Variants in SLC25A25 observed in about 807,000 individuals in gnomAD.
SLC25A25 encodes mitochondrial adenyl nucleotide antiporter SLC25A25.
A neutral mutation model predicts 57.7 loss-of-function variants in SLC25A25; 32 were observed. The ratio of observed to expected loss-of-function variants is 0.55; its 90% confidence interval spans 0.42 to 0.74. SLC25A25 has a LOEUF of 0.74. Ranked by LOEUF, SLC25A25 falls within the 30% of genes least tolerant of loss-of-function variation. SLC25A25 has a pLI of 0.00. For missense variants in SLC25A25, 556 were observed against 701.3 expected, an observed-to-expected ratio of 0.79 and a Z score of 2.34; for synonymous variants, 306 against 291.2, an observed-to-expected ratio of 1.05 and a Z score of -0.52.
Position 128,108,248 on chromosome 9 carries a change from G to A in SLC25A25, c.*804G>A. On this transcript the variant is annotated 3_prime_UTR_variant, in exon 11 of 11. Coordinates refer to ENST00000373069, the MANE Select transcript of SLC25A25 (RefSeq NM_001330988.2). Reference sequence around the variant, plus strand: ...AGGGCAGTGGAGCACCATGTTTGAGGGCGAAGGGCAGAGCGTTTGTGTGTT... The same window carrying A: ...AGGGCAGTGGAGCACCATGTTTGAGAGCGAAGGGCAGAGCGTTTGTGTGTT... 2.5e-6 allele frequency: 1 copy of A among 399,228 alleles called. No homozygotes were observed. The highest frequency in any genetic ancestry group is 4.4e-6 in the Non-Finnish European group (1 of 226,182). The allele number at this position is 399,228 out of a possible 1,614,324, so 24.7% of individuals were successfully genotyped here. A position where few individuals can be genotyped will look rare whatever the true frequency, so the allele number is the denominator to read the frequency against.
intron 1 of SLC25A25, chr9:128,098,748 A>G (rs762117181): frequency 6.2e-6 from 10 of 1,612,212 alleles, no homozygotes; most frequent in Non-Finnish European, 8.5e-6. Context: ...ACCGCGCGGA[A>G]GGGAGAGGCG....
intron 1 of SLC25A25, among the ~76,000 whole-genome samples, chr9:128,090,563 C>A (rs548404161): frequency 6.6e-6 from 1 of 151,474 alleles, no homozygotes; most frequent in African/African-American, 2.4e-5. Context: ...GTAATCCCAG[C>A]ACTTTGGGAG....
chr9:128,104,616 G>GT (rs1833939978), intron 6 of SLC25A25, among the ~76,000 whole-genome samples: 1 of 152,052 alleles, frequency 6.6e-6, no homozygotes, highest in South Asian at 2.1e-4. Flanking sequence ...TCATCCTTTT[G>GT]TTTTTTTAGC....
chr9:128,093,258 T>C (rs7873492), intron 1 of SLC25A25, among the ~76,000 whole-genome samples: 1 of 152,078 alleles, frequency 6.6e-6, no homozygotes, highest in African/African-American at 2.4e-5. Flanking sequence ...TGAGATGTCT[T>C]TGCTTAATAT....
At chr9:128,068,650 G>A in intron 1 of SLC25A25, 70 bp downstream of exon 1, 1 of 1,365,320 alleles carries the variant, frequency 7.3e-7, no homozygotes, top group Non-Finnish European at 9.4e-7. Context: ...GGTCTCGGGG[G>A]ACGGCCCCTT....
At position 128,068,334 on chromosome 9, in the gene SLC25A25, G is replaced by A; in HGVS notation, c.15G>A (p.Val5=). MVSS[V]LCRCVASPPP... is the part of the protein sequence containing the mutation. ...CCTCGCGCCCGATGGTGAGCAGTGT[G>A]TTGTGCCGCTGTGTGGCCTCCCCGC... The change falls in exon 1 of 11, where the codon GTG becomes GTA. Residue 5 remains valine, a synonymous_variant. Coordinates refer to ENST00000373069, the MANE Select transcript of SLC25A25 (RefSeq NM_001330988.2). 1 of 1,526,504 alleles carries A rather than the reference G, an allele frequency of 6.6e-7. No individual in the cohort carries two copies. The allele number at this position is 1,526,504 out of a possible 1,614,324, so 94.6% of individuals were successfully genotyped here.
intron 1 of SLC25A25, among the ~76,000 whole-genome samples, chr9:128,098,024 G>C (rs1833616507): frequency 6.6e-6 from 1 of 152,196 alleles, no homozygotes; most frequent in African/African-American, 2.4e-5. Context: ...CCACCCCTCA[G>C]CCTCCTATCC....
Position 128,068,514 on chromosome 9 carries a change from G to A in SLC25A25, c.195G>A (p.Leu65=). 1.3e-6 allele frequency: 2 copies of A among 1,505,254 alleles called. No individual in the cohort carries two copies. Among genetic ancestry groups the A allele is most frequent in the Non-Finnish European group, 1.8e-6 (2 of 1,133,364 alleles). The allele number at this position is 1,505,254 out of a possible 1,614,324, so 93.2% of individuals were successfully genotyped here. ...TCGACGTCAACCGGGACGGCGGCCT[G>A]TGTGTCAACGACCTGGCGGTGGGGC... The part of the protein sequence containing the change: ...QTLDVNRDGG[L]CVNDLAVGLR... Residue 65 remains leucine, a synonymous_variant, in exon 1 of 11, where the codon CTG becomes CTA. Transcript: ENST00000373069.
intron 1 of SLC25A25, among the ~76,000 whole-genome samples, chr9:128,071,970 C>T (rs968632099): frequency 2.0e-5 from 3 of 152,186 alleles, no homozygotes; most frequent in African/African-American, 7.2e-5. Flanking sequence ...ACCTCGGCCT[C>T]CCAAAGTTCA....
intron 1 of SLC25A25, among the ~76,000 whole-genome samples, chr9:128,074,144 A>G (rs1022574647): frequency 6.6e-6 from 1 of 151,984 alleles, no homozygotes; most frequent in African/African-American, 2.4e-5. Flanking sequence ...GGTTTAAGCA[A>G]TTCCCCTGCC....
rs538278200 is a variant in SLC25A25 at position 128,076,276 on chromosome 9, G to T, written c.261+7696G>T. Among the ~76,000 whole-genome samples the T allele has an allele frequency of 5.3e-5, 8 of 152,012 alleles. No homozygotes were observed. In the East Asian group the frequency reaches 1.5e-3, roughly 29 times the overall value. On this transcript the variant is annotated intron_variant, in intron 1 of 10. Coordinates refer to ENST00000373069, the MANE Select transcript of SLC25A25 (RefSeq NM_001330988.2). ...CTCCCAGGTAGCTGGGATTACAGGT[G>T]TGCACCACCATGCCCAGCTAATTTT...
At chr9:128,100,333 G>A (rs1833737180) in intron 1 of SLC25A25, among the ~76,000 whole-genome samples, 1 of 152,048 alleles carries the variant, frequency 6.6e-6, no homozygotes, top group South Asian at 2.1e-4. Context: ...CCCACCTCCT[G>A]GGAGGCGGGG....
chr9:128,094,151 G>A (rs1207461722), intron 1 of SLC25A25, among the ~76,000 whole-genome samples: 1 of 151,956 alleles, frequency 6.6e-6, no homozygotes, highest in Non-Finnish European at 1.5e-5. Flanking sequence ...CTGTTTAAAA[G>A]AAAAAAAGAA....
At chr9:128,084,200 C>T (rs2130794746) in intron 1 of SLC25A25, among the ~76,000 whole-genome samples, 1 of 152,098 alleles carries the variant, frequency 6.6e-6, no homozygotes, top group South Asian at 2.1e-4. Context: ...AGGGACATGC[C>T]TAATTATACC....
At position 128,103,961 on chromosome 9, in the gene SLC25A25, A is replaced by T. The variant is rs1188202839; in HGVS notation, c.783+122A>T. The T allele has an allele frequency of 4.0e-6, 4 of 1,008,290 alleles. No individual in the cohort carries two copies. In the African/African-American group the frequency reaches 4.9e-5, roughly 12 times the overall value. 62.5% of individuals were successfully genotyped at this position (1,008,290 alleles called of 1,614,324 possible). On this transcript the variant is annotated intron_variant, in intron 6 of 10. Coordinates refer to ENST00000373069, the MANE Select transcript of SLC25A25 (RefSeq NM_001330988.2). The surrounding 1 kb of genome is among the most constrained non-coding windows in gnomAD (Gnocchi z 6.7). ...TGGGCCCAAACTTTTCTAACCCAAT[A>T]AATTAGACTAGAATTATTGCTCAGA...
chr9:128,076,391 A>G (rs952976160), intron 1 of SLC25A25, among the ~76,000 whole-genome samples: 1 of 152,138 alleles, frequency 6.6e-6, no homozygotes, highest in African/African-American at 2.4e-5. Flanking sequence ...TTGGCCTCCC[A>G]AAGTGTTAGG....
Position 128,104,574 on chromosome 9 carries a change from C to T in SLC25A25, c.783+735C>T, listed in dbSNP as rs1284740794. ...CCCTTTCCCTCCCAGGACTTCCCCT[C>T]CTCTGTGAAAATAGGGGCTTGAACA... On this transcript the variant is annotated intron_variant, in intron 6 of 10. Transcript: ENST00000373069. Among the ~76,000 whole-genome samples the T allele has an allele frequency of 2.0e-5, 3 of 152,200 alleles. No homozygotes were observed. The East Asian group carries it at 5.8e-4, about 29-fold the overall frequency.
chr9:128,081,464 G>A (rs558384170), intron 1 of SLC25A25, among the ~76,000 whole-genome samples: 10 of 152,282 alleles, frequency 6.6e-5, no homozygotes, highest in South Asian at 6.2e-4. Context: ...TCACATGGAC[G>A]AATTGTGTGG....
chr9:128,082,647 T>TTTTTA (rs563516255), intron 1 of SLC25A25, among the ~76,000 whole-genome samples: 12 of 152,278 alleles, frequency 7.9e-5, no homozygotes, highest in East Asian at 1.9e-4. Flanking sequence ...TGCTTTATTA[T>TTTTTA]TTTTATTTTA....
Sources: gnomAD v4.1 joint callset for allele counts (sites outside exome capture counted in the v4.1 genomes callset) on GRCh38, gnomAD v4.1.1 for gene constraint, Gnocchi (gnomAD v3.1) non-coding constraint, MANE v1.5 for transcripts, NCBI Gene and HGNC (gene_info 2026-07-23, HGNC 2026-07-21) for gene names.